The following LARP6 variants were observed in gnomAD, a reference collection of about 807,000 sequenced individuals.
The protein encoded by LARP6 is la-related protein 6.
Under a neutral mutation model 32.8 loss-of-function variants are expected in LARP6, and 18 were observed. The ratio of observed to expected loss-of-function variants is 0.55; its 90% CI spans 0.38 to 0.81. LARP6 has a LOEUF of 0.81. LARP6 is among the 40% of genes least tolerant of loss of function. LARP6 has a pLI of 0.00. For synonymous variants in LARP6, 289 were observed against 267.2 expected, an observed-to-expected ratio of 1.08 and a Z score of -0.80; for missense variants, 598 against 663.1, an observed-to-expected ratio of 0.90 and a Z score of 1.08.
intron 1 of LARP6, chr15:70,849,335 C>G (rs375614487): frequency 6.4e-6 from 1 of 156,260 alleles, no homozygotes; most frequent in Non-Finnish European, 1.4e-5. Flanking sequence ...CCAGCCTGGG[C>G]GACAAGAGCA....
intron 1 of LARP6, chr15:70,851,424 A>G: frequency 8.2e-7 from 1 of 1,223,048 alleles, no homozygotes; most frequent in Non-Finnish European, 1.0e-6. Context: ...ATGATCAATA[A>G]CATTTTAGAG....
At chr15:70,834,225 C>A (rs1434483349) in intron 2 of LARP6, among the ~76,000 whole-genome samples, 1 of 152,140 alleles carries the variant, frequency 6.6e-6, no homozygotes, top group African/African-American at 2.4e-5. Context: ...CTTGGCAGAC[C>A]CATTACTATA....
chr15:70,841,973 C>G lies in LARP6; in HGVS notation c.201-5468G>C, dbSNP rs1032538873. ...ACCACCTTCTTCTTGATACTCTCCC[C>G]CCTGGGCTTATGTGACTTACTCTTT... On this transcript the variant is annotated intron_variant, in intron 1 of 2. Coordinates refer to ENST00000299213, the MANE Select transcript of LARP6 (RefSeq NM_018357.4). Among the ~76,000 whole-genome samples, 12 of 152,134 alleles carry G rather than the reference C, an allele frequency of 7.9e-5. 1 individual carries two copies. Among genetic ancestry groups the G allele is most frequent in the African/African-American group, 2.9e-4 (12 of 41,420 alleles).
chr15:70,854,041 C>T lies in LARP6; in HGVS notation c.48G>A (p.Val16=). Residue 16 remains valine, a synonymous_variant, in exon 1 of 3, where the codon GTG becomes GTA. Coordinates refer to ENST00000299213, the MANE Select transcript of LARP6 (RefSeq NM_018357.4). The part of the protein sequence containing the change: ...GEARPGPKTA[V]QIRVAIQEAE... ...CCTCCTGGATGGCGACGCGGATCTGCACCGCCGTCTTGGGCCCGGGCCGAG... is the reference window on the plus strand; with the variant it reads ...CCTCCTGGATGGCGACGCGGATCTGTACCGCCGTCTTGGGCCCGGGCCGAG... 6.9e-7 allele frequency: 1 copy of T among 1,440,764 alleles called. No individual in the cohort carries two copies. The highest frequency in any genetic ancestry group is 9.2e-7 in the Non-Finnish European group (1 of 1,089,800). The allele number at this position is 1,440,764 out of a possible 1,614,324, so 89.2% of individuals were successfully genotyped here.
At chr15:70,848,537 G>C (rs193237865) in intron 1 of LARP6, among the ~76,000 whole-genome samples, 3 of 152,272 alleles carry the variant, frequency 2.0e-5, no homozygotes, top group Middle Eastern at 6.8e-3. Context: ...TTCGAGACTA[G>C]CCTGGCCAAC....
intron 1 of LARP6, chr15:70,853,256 A>G (rs905615313): frequency 7.5e-6 from 1 of 133,668 alleles, no homozygotes; most frequent in African/African-American, 2.8e-5. Flanking sequence ...TGATGCAAAC[A>G]TAAAGGTCTG....
intron 1 of LARP6, chr15:70,849,725 T>A (rs2032414953): frequency 6.6e-6 from 1 of 152,196 alleles, no homozygotes; most frequent in Non-Finnish European, 1.5e-5. Context: ...GATGAATTAT[T>A]AAAAAGTGAA....
In LARP6 at chr15:70,840,206, C is replaced by T. The variant is rs139398181; in HGVS notation, c.201-3701G>A. ...TGCAAGATGGACAGAACAAATTTCA[C>T]TTTATTAGGGAAAGTTTATCGCCTA... On this transcript the variant is annotated intron_variant, in intron 1 of 2. Coordinates refer to ENST00000299213, the MANE Select transcript of LARP6 (RefSeq NM_018357.4). Among the ~76,000 whole-genome samples, 22 of 152,264 alleles carry T rather than the reference C, an allele frequency of 1.4e-4. No individual in the cohort carries two copies. In the East Asian group the frequency reaches 4.3e-3, roughly 29 times the overall value.
chr15:70,843,827 T>C (rs2032300622), intron 1 of LARP6, among the ~76,000 whole-genome samples: 1 of 151,842 alleles, frequency 6.6e-6, no homozygotes. Flanking sequence ...GGCTAATTTT[T>C]TGTATTTTAG....
intron 1 of LARP6, chr15:70,849,016 C>T (rs143750616): frequency 9.7e-4 from 148 of 152,154 alleles, no homozygotes; most frequent in African/African-American, 3.4e-3. Context: ...AGCAAAAATC[C>T]TGTAATGTAA....
At chr15:70,845,059 CAG>C (rs1388442836) in intron 1 of LARP6, among the ~76,000 whole-genome samples, 4 of 152,138 alleles carry the variant, frequency 2.6e-5, no homozygotes, top group East Asian at 1.9e-4. Context: ...GAAAATTGTA[CAG>C]AGAGTTCCCA....
intron 1 of LARP6, among the ~76,000 whole-genome samples, chr15:70,839,161 C>T (rs1351800283): frequency 6.6e-6 from 1 of 152,126 alleles, no homozygotes; most frequent in Non-Finnish European, 1.5e-5. Context: ...GTGAAGAAGC[C>T]TGGCACGGTG....
At chr15:70,848,806 CA>C (rs1391390298) in intron 1 of LARP6, 1 of 151,790 alleles carries the variant, frequency 6.6e-6, no homozygotes, top group Non-Finnish European at 1.5e-5. Context: ...GTCCCAAAAA[CA>C]TCATGGAAAA....
At chr15:70,837,811 G>GTT (rs1027595953) in intron 1 of LARP6, among the ~76,000 whole-genome samples, 8 of 152,174 alleles carry the variant, frequency 5.3e-5, no homozygotes, top group African/African-American at 1.9e-4. Context: ...TGGCTTTAGA[G>GTT]TTAAGATTGC....
At chr15:70,834,043 G>T (rs2032103971) in intron 2 of LARP6, among the ~76,000 whole-genome samples, 1 of 152,222 alleles carries the variant, frequency 6.6e-6, no homozygotes, top group Admixed American at 6.5e-5. Flanking sequence ...GTGAAGGTGG[G>T]TGGGGTGGGT....
intron 2 of LARP6, among the ~76,000 whole-genome samples, chr15:70,834,064 C>A (rs956258745): frequency 1.3e-5 from 2 of 152,164 alleles, no homozygotes; most frequent in African/African-American, 4.8e-5. Flanking sequence ...AACCTGAGCC[C>A]GTAATGGCGA....
chr15:70,847,769 C>T (rs574702233), intron 1 of LARP6, among the ~76,000 whole-genome samples: 1 of 151,964 alleles, frequency 6.6e-6, no homozygotes, highest in South Asian at 2.1e-4. Flanking sequence ...TCGAATGATA[C>T]CCTATAGGAG....
chr15:70,851,984 T>C (rs575975922), intron 1 of LARP6: 29 of 471,554 alleles, frequency 6.1e-5, no homozygotes, highest in Non-Finnish European at 1.1e-4. Context: ...GAGCGTGAAC[T>C]GTTGACAGCG....
chr15:70,839,167 C>T (rs1189101059), intron 1 of LARP6, among the ~76,000 whole-genome samples: 2 of 152,092 alleles, frequency 1.3e-5, no homozygotes, highest in Non-Finnish European at 2.9e-5. Flanking sequence ...AAGCCTGGCA[C>T]GGTGGCTCAC....
Sources: gnomAD v4.1 joint callset for allele counts (sites outside exome capture counted in the v4.1 genomes callset) on GRCh38, gnomAD v4.1.1 for gene constraint, MANE v1.5 for transcripts, NCBI Gene and HGNC (gene_info 2026-07-23, HGNC 2026-07-21) for gene names.